GOLGA1: variants seen among roughly 807,000 people sequenced by gnomAD.
GOLGA1 encodes golgin subfamily A member 1.
A neutral mutation model predicts 119.7 loss-of-function variants in GOLGA1; 63 were observed. The observed-to-expected ratio is 0.53, with a 90% CI of 0.43 to 0.65. The LOEUF (loss-of-function observed/expected upper bound fraction) is 0.65, where lower values mean the gene tolerates loss of function less well. Ranked by LOEUF, GOLGA1 falls within the 30% of genes least tolerant of loss-of-function variation. The probability of loss-of-function intolerance (pLI) is 0.00; values close to 1 mark genes in which losing one functional copy is unlikely to be tolerated. For missense variants in GOLGA1, 798 were observed against 912.8 expected, an observed-to-expected ratio of 0.87 and a Z score of 1.62; for synonymous variants, 318 against 333.4, an observed-to-expected ratio of 0.95 and a Z score of 0.50.
intron 10 of GOLGA1, among the ~76,000 whole-genome samples, chr9:124,913,418 T>A (rs964963215): frequency 2.0e-5 from 3 of 152,196 alleles, no homozygotes; most frequent in African/African-American, 7.2e-5. Context: ...GACTTGTACC[T>A]CTTTACATGT....
intron 10 of GOLGA1, among the ~76,000 whole-genome samples, chr9:124,917,250 A>T (rs761560141): frequency 6.6e-6 from 1 of 152,150 alleles, no homozygotes; most frequent in Non-Finnish European, 1.5e-5. Context: ...AGATAAACAC[A>T]TTGTTCTTTT....
chr9:124,906,062 G>A (rs1025084315), intron 12 of GOLGA1, among the ~76,000 whole-genome samples: 5 of 151,270 alleles, frequency 3.3e-5, no homozygotes, highest in South Asian at 2.1e-4. Context: ...GCAGGGAGCC[G>A]AGATGGCACT....
chr9:124,923,299 C>T, intron 7 of GOLGA1, 76 bp from the exon 8 acceptor site: 1 of 1,309,856 alleles, frequency 7.6e-7, no homozygotes, highest in Non-Finnish European at 1.1e-6. Context: ...AAAATCTTTT[C>T]TTTTTTAAAA....
At chr9:124,894,053 A>G (rs1010583320) in intron 15 of GOLGA1, among the ~76,000 whole-genome samples, 9 of 152,044 alleles carry the variant, frequency 5.9e-5, no homozygotes, top group African/African-American at 2.2e-4. Flanking sequence ...TTGCCAACAA[A>G]CTCAGTCTCG....
At chr9:124,897,296 T>A (rs1158460502) in intron 15 of GOLGA1, among the ~76,000 whole-genome samples, 3 of 152,196 alleles carry the variant, frequency 2.0e-5, no homozygotes, top group East Asian at 1.9e-4. Context: ...AGTTACAAAC[T>A]CCACAAGAAA....
intron 1 of GOLGA1, among the ~76,000 whole-genome samples, chr9:124,940,383 T>C (rs899047454): frequency 6.6e-6 from 1 of 152,206 alleles, no homozygotes; most frequent in Admixed American, 6.5e-5. Context: ...TAGAACAGAA[T>C]TGATCACCGC....
intron 3 of GOLGA1, 47 bp from the exon 4 acceptor site, chr9:124,931,453 C>T: frequency 1.1e-6 from 1 of 877,440 alleles, no homozygotes. Flanking sequence ...ATGTGTGAGA[C>T]CACAATACTG....
intron 3 of GOLGA1, among the ~76,000 whole-genome samples, chr9:124,933,704 C>T (rs1830813962): frequency 6.6e-6 from 1 of 152,134 alleles, no homozygotes; most frequent in East Asian, 1.9e-4. Flanking sequence ...TGTGAGCCAC[C>T]CTGCCTGGCC....
rs1020657921 is a variant in GOLGA1, at chr9:124,878,509, A to G, written c.*2021T>C. On this transcript the variant is annotated 3_prime_UTR_variant, in exon 23 of 23. Transcript: ENST00000373555. ...ATCGCTCGTATAAAGGGCTATAGATACCGTCGCTAACACAGAAAGTTTTAT... is the reference window on the plus strand; with the variant it reads ...ATCGCTCGTATAAAGGGCTATAGATGCCGTCGCTAACACAGAAAGTTTTAT... 1.3e-5 allele frequency: 2 copies of G among 152,688 alleles called. No individual in the cohort carries two copies. The highest frequency in any genetic ancestry group is 2.9e-5 in the Non-Finnish European group (2 of 68,046). The allele number at this position is 152,688 out of a possible 1,614,324, so 9.5% of individuals were successfully genotyped here. A position where few individuals can be genotyped will look rare whatever the true frequency, so the allele number is the denominator to read the frequency against.
chr9:124,896,387 T>A (rs1425219860), intron 15 of GOLGA1, among the ~76,000 whole-genome samples: 1 of 152,216 alleles, frequency 6.6e-6, no homozygotes, highest in Non-Finnish European at 1.5e-5. Flanking sequence ...CACACCAGCC[T>A]GGGCGACAAA....
rs1034277877 is a variant in GOLGA1, at chr9:124,879,567, A to G, written c.*963T>C. The stretch of plus-strand genomic sequence containing the variant: ...CTTCAGTAGAAGACAGGTGGTCTGC[A>G]TCGCCCAGCGGCAGCGCAGCACAGA... On this transcript the variant is annotated 3_prime_UTR_variant, in exon 23 of 23. Coordinates refer to ENST00000373555, the MANE Select transcript of GOLGA1 (RefSeq NM_002077.4). The G allele has an allele frequency of 6.6e-6, 1 of 151,716 alleles. No homozygotes were observed. The highest frequency in any genetic ancestry group is 2.1e-4 in the South Asian group (1 of 4,802). 9.4% of individuals were successfully genotyped at this position (151,716 alleles called of 1,614,324 possible). A position where few individuals can be genotyped will look rare whatever the true frequency, so the allele number is the denominator to read the frequency against.
chr9:124,881,989 CCT>C lies in GOLGA1; in HGVS notation c.1966-37_1966-36del, dbSNP rs756202300. The stretch of plus-strand genomic sequence containing the variant: ...CAGTGGGAAAGATGCTACACCGAAC[CCT>C]CTGAGACAGGTGGAAAAAATCACAC... On this transcript the variant is annotated intron_variant, in intron 20 of 22. Transcript: ENST00000373555. This position sits in a 1 kb window ranked among gnomAD's most constrained non-coding sequence, Gnocchi z 4.9. 3.4e-6 allele frequency: 5 copies of C among 1,492,466 alleles called. No individual in the cohort carries two copies. The highest frequency in any genetic ancestry group is 4.6e-6 in the Non-Finnish European group (5 of 1,098,744). 92.5% of individuals were successfully genotyped at this position (1,492,466 alleles called of 1,614,324 possible).
intron 13 of GOLGA1, among the ~76,000 whole-genome samples, chr9:124,899,786 T>A (rs1308399438): frequency 6.6e-6 from 1 of 152,196 alleles, no homozygotes; most frequent in Non-Finnish European, 1.5e-5. Flanking sequence ...TGGCTGCGGC[T>A]TTCCCTGGGG....
chr9:124,881,309 G>C lies in GOLGA1; in HGVS notation c.2137-52C>G. The stretch of plus-strand genomic sequence containing the variant: ...TAGGCCTTGGTGAAGGTGAGGCGGG[G>C]TGGGGTCGGGGGAGCTACGTGGCAT... On this transcript the variant is annotated intron_variant, in intron 21 of 22. Coordinates refer to ENST00000373555, the MANE Select transcript of GOLGA1 (RefSeq NM_002077.4). The surrounding 1 kb of genome is among the most constrained non-coding windows in gnomAD (Gnocchi z 4.9). The C allele has an allele frequency of 2.9e-6, 3 of 1,038,620 alleles. 1 individual carries two copies. Among genetic ancestry groups the C allele is most frequent in the South Asian group, 2.5e-5 (2 of 79,772 alleles). 64.3% of individuals were successfully genotyped at this position (1,038,620 alleles called of 1,614,324 possible). A position where few individuals can be genotyped will look rare whatever the true frequency, so the allele number is the denominator to read the frequency against.
intron 19 of GOLGA1, among the ~76,000 whole-genome samples, chr9:124,885,400 G>A (rs1263930954): frequency 2.7e-5 from 4 of 150,746 alleles, no homozygotes; most frequent in East Asian, 1.9e-4. Context: ...CAACAGAATC[G>A]CTTGCACCGA....
At position 124,878,505 on chromosome 9, in the gene GOLGA1, A is replaced by AGAT. The variant is rs1355323874; in HGVS notation, c.*2022_*2024dup. On this transcript the variant is annotated 3_prime_UTR_variant, in exon 23 of 23. Coordinates refer to ENST00000373555, the MANE Select transcript of GOLGA1 (RefSeq NM_002077.4). ...ATCCATCGCTCGTATAAAGGGCTATAGATACCGTCGCTAACACAGAAAGTT... is the reference window on the plus strand; with the variant it reads ...ATCCATCGCTCGTATAAAGGGCTATAGATGATACCGTCGCTAACACAGAAAGTT... The AGAT allele has an allele frequency of 6.5e-6, 1 of 152,690 alleles. No individual in the cohort carries two copies. The highest frequency in any genetic ancestry group is 2.4e-5 in the African/African-American group (1 of 41,462). 9.5% of individuals were successfully genotyped at this position (152,690 alleles called of 1,614,324 possible).
chr9:124,890,257 C>A, intron 16 of GOLGA1, 132 bp downstream of exon 16: 1 of 659,426 alleles, frequency 1.5e-6, no homozygotes, highest in Non-Finnish European at 2.7e-6. Context: ...CAGCTGACTG[C>A]ATTCCCTGAG....
intron 1 of GOLGA1, among the ~76,000 whole-genome samples, chr9:124,940,605 C>A (rs529263193): frequency 6.6e-6 from 1 of 152,358 alleles, no homozygotes; most frequent in East Asian, 1.9e-4. Context: ...CCCAGGGAGG[C>A]AGGCAGGTGC....
intron 15 of GOLGA1, among the ~76,000 whole-genome samples, chr9:124,896,392 G>A (rs959060169): frequency 2.5e-4 from 38 of 152,164 alleles, no homozygotes; most frequent in African/African-American, 4.8e-4. Context: ...CAGCCTGGGC[G>A]ACAAAGTGAG....
Sources: allele counts gnomAD v4.1 joint callset (sites outside exome capture counted in the v4.1 genomes callset), GRCh38; gene constraint gnomAD v4.1.1; non-coding constraint Gnocchi (gnomAD v3.1); transcripts MANE v1.5; gene names NCBI Gene and HGNC (gene_info 2026-07-23, HGNC 2026-07-21).